The following PLXNA4 variants were observed in gnomAD, a reference collection of about 807,000 sequenced individuals.
The protein encoded by PLXNA4 is plexin A4.
A neutral mutation model predicts 191.8 loss-of-function variants in PLXNA4; 44 were observed. The ratio of observed to expected loss-of-function variants is 0.23; its 90% CI spans 0.18 to 0.29. The LOEUF (loss-of-function observed/expected upper bound fraction) is 0.29. PLXNA4 is among the 10% of genes least tolerant of loss of function. The pLI is 1.00. For synonymous variants in PLXNA4, 1,082 were observed against 1,009.5 expected (o/e 1.07, Z -1.36); for missense variants, 1,800 against 2,488.8 (o/e 0.72, Z 5.89).
intron 3 of PLXNA4, among the ~76,000 whole-genome samples, chr7:132,410,482 A>G (rs1794409876): frequency 1.3e-5 from 2 of 152,130 alleles, no homozygotes; most frequent in Non-Finnish European, 2.9e-5. Context: ...CACAGGGATA[A>G]CCGTTAGAAC....
At chr7:132,309,473 C>T (rs867424245) in intron 3 of PLXNA4, among the ~76,000 whole-genome samples, 2 of 152,250 alleles carry the variant, frequency 1.3e-5, no homozygotes, top group South Asian at 4.1e-4. Context: ...CCTCATCCTA[C>T]AGCTTGGACA....
intron 26 of PLXNA4, 106 bp downstream of exon 26, chr7:132,148,437 G>A (rs1795498382): frequency 2.7e-6 from 4 of 1,486,260 alleles, no homozygotes; most frequent in Admixed American, 2.0e-5. Flanking sequence ...GGAACATGGA[G>A]TGCTGGTGAG....
Position 132,288,225 on chromosome 7 carries a change from C to T in PLXNA4, c.1503+9866G>A, listed in dbSNP as rs114306308. Among the ~76,000 whole-genome samples the T allele has an allele frequency of 7.2e-3, 1,095 of 152,230 alleles. 14 individuals carry two copies. Among genetic ancestry groups the T allele is most frequent in the African/African-American group, 0.025 (1,024 of 41,532 alleles). ...CACAAAGTGCAGTAGGAGCGTGTTG[C>T]GCCAGATAAGCCAGTAGCGTTTTCC... On this transcript the variant is annotated intron_variant, in intron 4 of 31. Transcript: ENST00000321063.
At chr7:132,187,160 T>C (rs1312707337) in intron 15 of PLXNA4, among the ~76,000 whole-genome samples, 1 of 152,078 alleles carries the variant, frequency 6.6e-6, no homozygotes, top group Non-Finnish European at 1.5e-5. Flanking sequence ...CCAATCAGCA[T>C]TCCCCACTCC....
At chr7:132,208,167 A>T (rs868553416) in intron 10 of PLXNA4, among the ~76,000 whole-genome samples, 24 of 152,356 alleles carry the variant, frequency 1.6e-4, no homozygotes, top group South Asian at 6.2e-4. Context: ...ACCAGCATTT[A>T]AACTGGGATT....
intron 1 of PLXNA4, among the ~76,000 whole-genome samples, chr7:132,562,175 TCTC>T (rs1303010719): frequency 6.8e-4 from 35 of 51,320 alleles, no homozygotes; most frequent in South Asian, 6.6e-3. Context: ...TCCTCCTCTT[TCTC>T]CTCCTCCTCC....
At chr7:132,625,036 GC>G (rs199910639) in intron 2 of PLXNA4, among the ~76,000 whole-genome samples, 3,209 of 152,210 alleles carry the variant, frequency 0.021, 72 homozygotes, top group Middle Eastern at 0.068. Flanking sequence ...AGGACTCTGA[GC>G]CCCCCAAAAT....
At position 132,368,655 on chromosome 7, in the gene PLXNA4, A is replaced by G. The variant is rs149367520; in HGVS notation, c.1372-70433T>C. On this transcript the variant is annotated intron_variant, in intron 3 of 31. Transcript: ENST00000321063. ...GTGTGGCGCGTCCTGCTGGGCTCAAAGACACCTGCTCTGGGCACCATGCCC... is the reference window on the plus strand; with the variant it reads ...GTGTGGCGCGTCCTGCTGGGCTCAAGGACACCTGCTCTGGGCACCATGCCC... Among the ~76,000 whole-genome samples, 695 of 152,296 alleles carry G rather than the reference A, an allele frequency of 4.6e-3. 7 individuals are homozygous for G. The highest frequency in any genetic ancestry group is 0.016 in the African/African-American group (660 of 41,564).
At chr7:132,504,713 G>T (rs956297231) in intron 2 of PLXNA4, among the ~76,000 whole-genome samples, 1 of 152,224 alleles carries the variant, frequency 6.6e-6, no homozygotes, top group Admixed American at 6.5e-5. Context: ...GAGGTCATCT[G>T]GGACTGAGTT....
intron 2 of PLXNA4, among the ~76,000 whole-genome samples, chr7:132,501,249 CAG>C (rs1798238223): frequency 6.6e-6 from 1 of 152,128 alleles, no homozygotes; most frequent in African/African-American, 2.4e-5. Flanking sequence ...AGGAGAGAAA[CAG>C]AGAAAGCAAC....
At chr7:132,170,951 C>T (rs1796267448) in intron 21 of PLXNA4, among the ~76,000 whole-genome samples, 1 of 152,238 alleles carries the variant, frequency 6.6e-6, no homozygotes, top group Non-Finnish European at 1.5e-5. Flanking sequence ...TGGCAAACCC[C>T]TCACCTCCGG....
chr7:132,589,847 G>T (rs1220696934), intron 2 of PLXNA4, among the ~76,000 whole-genome samples: 1 of 152,186 alleles, frequency 6.6e-6, no homozygotes, highest in Non-Finnish European at 1.5e-5. Flanking sequence ...TCCTTGAGGT[G>T]GTGACATCTG....
intron 3 of PLXNA4, among the ~76,000 whole-genome samples, chr7:132,306,149 C>T (rs1033903039): frequency 6.6e-6 from 1 of 152,146 alleles, no homozygotes; most frequent in Non-Finnish European, 1.5e-5. Flanking sequence ...GGTGGAGGGG[C>T]TTGTGCGGAG....
At chr7:132,221,916 T>A (rs1285112218) in intron 9 of PLXNA4, among the ~76,000 whole-genome samples, 1 of 152,156 alleles carries the variant, frequency 6.6e-6, no homozygotes, top group Admixed American at 6.5e-5. Context: ...GTTTTCAGCC[T>A]CTCTCCAGCT....
At chr7:132,368,238 A>G (rs969416474) in intron 3 of PLXNA4, among the ~76,000 whole-genome samples, 3 of 152,036 alleles carry the variant, frequency 2.0e-5, no homozygotes, top group African/African-American at 7.3e-5. Flanking sequence ...GGAGTGGAAC[A>G]GCAGCTTATT....
At chr7:132,162,445 T>C (rs1337364603) in intron 24 of PLXNA4, among the ~76,000 whole-genome samples, 1 of 152,200 alleles carries the variant, frequency 6.6e-6, no homozygotes. Flanking sequence ...CTACCAGTAC[T>C]GTGGCCTCTG....
In PLXNA4 at chr7:132,500,400, G is replaced by A. The variant is rs1798196423; in HGVS notation, c.1188+7106C>T. 2.0e-5 allele frequency among the ~76,000 whole-genome samples: 3 copies of A among 151,888 alleles called. No individual in the cohort carries two copies. The South Asian group carries it at 6.2e-4, about 32-fold the overall frequency. ...ATGGGTTGCAGTGAGCCAAGATCGCGCCATTGCACTCCACCCTGGGCAACA... is the reference window on the plus strand; with the variant it reads ...ATGGGTTGCAGTGAGCCAAGATCGCACCATTGCACTCCACCCTGGGCAACA... On this transcript the variant is annotated intron_variant, in intron 2 of 31. Coordinates refer to ENST00000321063, the MANE Select transcript of PLXNA4 (RefSeq NM_020911.2).
At chr7:132,429,458 G>A (rs1479997929) in intron 3 of PLXNA4, among the ~76,000 whole-genome samples, 1 of 152,172 alleles carries the variant, frequency 6.6e-6, no homozygotes, top group Non-Finnish European at 1.5e-5. Flanking sequence ...ACTCAACTTT[G>A]CCATCACACC....
chr7:132,423,218 T>G (rs1794912879), intron 3 of PLXNA4, among the ~76,000 whole-genome samples: 1 of 152,246 alleles, frequency 6.6e-6, no homozygotes, highest in Admixed American at 6.5e-5. Context: ...TACTTTGCAT[T>G]GCTCATCTTT....
Sources: allele counts gnomAD v4.1 joint callset (sites outside exome capture counted in the v4.1 genomes callset), GRCh38; gene constraint gnomAD v4.1.1; transcripts MANE v1.5; gene names NCBI Gene and HGNC (gene_info 2026-07-23, HGNC 2026-07-21).